The following SLCO4C1 variants were observed in gnomAD, a reference collection of about 807,000 sequenced individuals.
SLCO4C1 encodes the protein solute carrier organic anion transporter family member 4C1.
Under a neutral mutation model 72.1 loss-of-function variants are expected in SLCO4C1, and 58 were observed. The ratio of observed to expected loss-of-function variants is 0.80; its 90% CI spans 0.65 to 1.00. The LOEUF (loss-of-function observed/expected upper bound fraction) is 1.00. SLCO4C1 is among the 50% of genes least tolerant of loss of function. The pLI, the probability that SLCO4C1 is intolerant of heterozygous loss-of-function variation, is 0.00. For synonymous variants in SLCO4C1, 297 were observed against 312.5 expected, an observed-to-expected ratio of 0.95 and a Z score of 0.52; for missense variants, 898 against 857.9, an observed-to-expected ratio of 1.05 and a Z score of -0.58.
At chr5:102,250,454 G>A (rs1050143277) in intron 8 of SLCO4C1, among the ~76,000 whole-genome samples, 22 of 152,036 alleles carry the variant, frequency 1.4e-4, no homozygotes, top group African/African-American at 5.3e-4. Context: ...AACATATATT[G>A]AGCAACTGCT....
chr5:102,272,941 T>C (rs970752470), intron 2 of SLCO4C1, among the ~76,000 whole-genome samples: 1 of 149,114 alleles, frequency 6.7e-6, no homozygotes, highest in African/African-American at 2.6e-5. Context: ...CAAGACTTCA[T>C]CTCAAAAAAA....
intron 2 of SLCO4C1, among the ~76,000 whole-genome samples, chr5:102,278,139 C>T (rs183853218): frequency 1.3e-5 from 2 of 152,088 alleles, no homozygotes; most frequent in Admixed American, 6.5e-5. Context: ...GTAATGTGGG[C>T]AGGCTGAAAT....
At chr5:102,290,914 T>A (rs933793169) in intron 2 of SLCO4C1, among the ~76,000 whole-genome samples, 6 of 152,228 alleles carry the variant, frequency 3.9e-5, no homozygotes, top group African/African-American at 1.2e-4. Flanking sequence ...TAGTTTCATT[T>A]CTTAGGAAAA....
intron 8 of SLCO4C1, among the ~76,000 whole-genome samples, chr5:102,256,415 A>G (rs1748835802): frequency 6.6e-6 from 1 of 152,186 alleles, no homozygotes; most frequent in Non-Finnish European, 1.5e-5. Flanking sequence ...GACCTAACGT[A>G]CCACTTTCCT....
At chr5:102,237,090 T>C in intron 12 of SLCO4C1, 72 bp from the exon 13 acceptor site, 1 of 1,379,166 alleles carries the variant, frequency 7.3e-7, no homozygotes, top group Non-Finnish European at 9.6e-7. Flanking sequence ...GAGAAAAATC[T>C]TCATGAATAG....
rs1374532235 is a variant in SLCO4C1 at position 102,234,018 on chromosome 5, A to C, written c.*2840T>G. On this transcript the variant is annotated 3_prime_UTR_variant, in exon 13 of 13. Coordinates refer to ENST00000310954, the MANE Select transcript of SLCO4C1 (RefSeq NM_180991.5). The stretch of plus-strand genomic sequence containing the variant: ...TAAACATTCTGATTTAATAAATGGT[A>C]TGAATATATATTTTGCATACTTTAC... The C allele has an allele frequency of 6.6e-6, 1 of 152,188 alleles. No homozygotes were observed. Among genetic ancestry groups the C allele is most frequent in the Non-Finnish European group, 1.5e-5 (1 of 67,984 alleles). 9.4% of individuals were successfully genotyped at this position (152,188 alleles called of 1,614,324 possible). A position where few individuals can be genotyped will look rare whatever the true frequency, so the allele number is the denominator to read the frequency against.
rs1330540249 is a variant in SLCO4C1, at chr5:102,296,173, G to C, written c.90C>G (p.Ile30Met). The C allele has an allele frequency of 6.2e-7, 1 of 1,609,608 alleles. No homozygotes were observed. Among genetic ancestry groups the C allele is most frequent in the Admixed American group, 1.7e-5 (1 of 59,302 alleles). Residue 30 changes from isoleucine to methionine, a missense_variant, in exon 1 of 13, where the codon ATC (isoleucine) becomes ATG (methionine). Coordinates refer to ENST00000310954, the MANE Select transcript of SLCO4C1 (RefSeq NM_180991.5). The stretch of plus-strand genomic sequence containing the variant: ...GGTCAGAGGACAAGGCAGAGACTTC[G>C]ATTTGGGAGGGCGACGCAGACAAGC... Reference protein sequence around the residue: ...LRRLSASPSQIEVSALSSDPQ... With the variant: ...LRRLSASPSQMEVSALSSDPQ...
At position 102,249,737 on chromosome 5, in the gene SLCO4C1, A is replaced by G. The variant is rs1216696283; in HGVS notation, c.1521T>C (p.Cys507=). 2.5e-6 allele frequency: 4 copies of G among 1,613,894 alleles called. No individual in the cohort carries two copies. Among genetic ancestry groups the G allele is most frequent in the Non-Finnish European group, 3.4e-6 (4 of 1,179,940 alleles). Residue 507 remains cysteine (C), a synonymous_variant, in exon 9 of 13, where the codon TGT becomes TGC. Transcript: ENST00000310954. ...AGACAGGATAATAATATGATCGCGA[A>G]CAGTTACAATTGGCATTACAAGGGG... The part of the protein sequence containing the change: ...LIAPCNANCN[C]SRSYYYPVCG...
At chr5:102,283,492 C>T (rs6866041) in intron 2 of SLCO4C1, among the ~76,000 whole-genome samples, 41,223 of 151,066 alleles carry the variant, frequency 0.27, 5,930 homozygotes, top group Middle Eastern at 0.31. Flanking sequence ...AAAACACACA[C>T]TGGCAAATTT....
chr5:102,248,562 A>G (rs568387881), intron 9 of SLCO4C1, among the ~76,000 whole-genome samples: 1 of 152,260 alleles, frequency 6.6e-6, no homozygotes, highest in South Asian at 2.1e-4. Flanking sequence ...GTGTCTATAT[A>G]TATTTAGTTA....
At chr5:102,263,541 A>G in intron 4 of SLCO4C1, 143 bp downstream of exon 4, 1 of 584,396 alleles carries the variant, frequency 1.7e-6, no homozygotes, top group Non-Finnish European at 2.9e-6. Context: ...GATATTATAT[A>G]AGAATTCTTT....
intron 8 of SLCO4C1, among the ~76,000 whole-genome samples, chr5:102,254,427 T>C (rs1292846890): frequency 6.6e-6 from 1 of 152,216 alleles, no homozygotes; most frequent in Non-Finnish European, 1.5e-5. Context: ...ATTTCTGTTA[T>C]GGTGATCAGT....
Position 102,239,404 on chromosome 5 carries a change from G to T in SLCO4C1, c.1877-16C>A. On this transcript the variant is annotated splice_polypyrimidine_tract_variant and intron_variant, in intron 11 of 12. Coordinates refer to ENST00000310954, the MANE Select transcript of SLCO4C1 (RefSeq NM_180991.5). The stretch of plus-strand genomic sequence containing the variant: ...GGAATTGTCCCTAAAAGAATTATGG[G>T]TGAAATATACAACAGTAAAGATTAC... The T allele has an allele frequency of 6.5e-7, 1 of 1,544,146 alleles. No homozygotes were observed. The highest frequency in any genetic ancestry group is 8.7e-7 in the Non-Finnish European group (1 of 1,143,480).
rs1489521591 is a variant in SLCO4C1 at position 102,239,353 on chromosome 5, T to C, written c.1912A>G (p.Ile638Val). 9 of 1,595,726 alleles carry C rather than the reference T, an allele frequency of 5.6e-6. No individual in the cohort carries two copies. The highest frequency in any genetic ancestry group is 1.3e-5 in the African/African-American group (1 of 74,208). The part of the protein sequence containing the change: ...IPGPIIFGFT[I>V]DSTCILWDIN... ...TCCCAAAGAATACATGTGCTGTCTA[T>C]TGTGAAACCAAATATAATTGGTCCA... is the stretch of plus-strand genomic sequence containing the variant. Residue 638 changes from isoleucine (I) to valine (V), a missense_variant, in exon 12 of 13, where the codon ATA (isoleucine) becomes GTA (valine). By Grantham distance (29) the Ile-to-Val change is conservative. Coordinates refer to ENST00000310954, the MANE Select transcript of SLCO4C1 (RefSeq NM_180991.5).
At chr5:102,260,039 T>C (rs10072513) in intron 6 of SLCO4C1, among the ~76,000 whole-genome samples, 174 bp downstream of exon 6, 1,787 of 151,848 alleles carry the variant, frequency 0.012, 37 homozygotes, top group African/African-American at 0.041. Context: ...TTGGTGTGTG[T>C]GGGTTTATGT....
chr5:102,261,804 T>A, intron 5 of SLCO4C1, 108 bp downstream of exon 5: 3 of 1,154,952 alleles, frequency 2.6e-6, no homozygotes, highest in Non-Finnish European at 3.5e-6. Flanking sequence ...CAGTTGAGAT[T>A]CTATAAAAGA....
At chr5:102,274,088 G>A (rs1561377266) in intron 2 of SLCO4C1, among the ~76,000 whole-genome samples, 1 of 152,096 alleles carries the variant, frequency 6.6e-6, no homozygotes, top group South Asian at 2.1e-4. Flanking sequence ...ATCTAGAGAT[G>A]ATTTAAAGTT....
intron 10 of SLCO4C1, among the ~76,000 whole-genome samples, chr5:102,243,875 T>C (rs946373749): frequency 2.0e-5 from 3 of 152,120 alleles, no homozygotes; most frequent in African/African-American, 7.2e-5. Flanking sequence ...CTATCAGATA[T>C]ATTTTACAAA....
chr5:102,289,807 T>C (rs1292350894), intron 2 of SLCO4C1, among the ~76,000 whole-genome samples: 1 of 152,200 alleles, frequency 6.6e-6, no homozygotes, highest in Non-Finnish European at 1.5e-5. Context: ...CTACCACATT[T>C]TAAAAATACT....
Sources: gnomAD v4.1 joint callset for allele counts (sites outside exome capture counted in the v4.1 genomes callset) on GRCh38, gnomAD v4.1.1 for gene constraint, MANE v1.5 for transcripts, NCBI Gene and HGNC (gene_info 2026-07-23, HGNC 2026-07-21) for gene names.